The following ZNF461 variants were observed in gnomAD, a reference collection of about 807,000 sequenced individuals.
ZNF461 encodes gonadotropin-inducible ovarian transcription factor-1.
In ZNF461, 16 loss-of-function variants were observed where a neutral mutation model predicts 18.3. The ratio of observed to expected loss-of-function variants is 0.88; its 90% CI spans 0.59 to 1.33. The LOEUF (loss-of-function observed/expected upper bound fraction) is 1.33. ZNF461 is among the 40% of genes most tolerant of loss of function. The probability of loss-of-function intolerance (pLI) is 0.00; values close to 1 mark genes in which losing one functional copy is unlikely to be tolerated. For synonymous variants in ZNF461, 179 were observed against 216.9 expected (o/e 0.83, Z 1.54); for missense variants, 595 against 669.9 (o/e 0.89, Z 1.23).
At chr19:36,641,412 G>A (rs1421487204) in intron 5 of ZNF461, among the ~76,000 whole-genome samples, 4 of 151,674 alleles carry the variant, frequency 2.6e-5, no homozygotes, top group Non-Finnish European at 4.4e-5. Flanking sequence ...CCAGCTACTC[G>A]GGAGGCTGAG....
intron 4 of ZNF461, among the ~76,000 whole-genome samples, chr19:36,651,816 C>T (rs1425422201): frequency 6.6e-6 from 1 of 152,118 alleles, no homozygotes; most frequent in African/African-American, 2.4e-5. Context: ...TTTGTAGATA[C>T]AGACAAGCTT....
chr19:36,648,839 C>T (rs2037575017), intron 4 of ZNF461, among the ~76,000 whole-genome samples: 1 of 152,144 alleles, frequency 6.6e-6, no homozygotes, highest in South Asian at 2.1e-4. Context: ...CTTCGGCCTC[C>T]CAAAGTGCTG....
intron 5 of ZNF461, among the ~76,000 whole-genome samples, chr19:36,642,882 G>C (rs1339471024): frequency 1.3e-5 from 2 of 151,882 alleles, no homozygotes; most frequent in African/African-American, 4.8e-5. Context: ...GGCTTCCCAA[G>C]TAGTTGGGAT....
At chr19:36,657,326 C>T (rs1600440284) in intron 3 of ZNF461, among the ~76,000 whole-genome samples, 2 of 151,726 alleles carry the variant, frequency 1.3e-5, no homozygotes, top group Admixed American at 6.6e-5. Context: ...ACTAAAAATA[C>T]AAAAATTAGC....
intron 4 of ZNF461, among the ~76,000 whole-genome samples, chr19:36,646,787 A>G (rs764603775): frequency 2.9e-4 from 43 of 149,032 alleles, no homozygotes; most frequent in Non-Finnish European, 4.9e-4. Context: ...AAACATTGCC[A>G]CTTTTCACAA....
At chr19:36,641,654 CTGAA>C (rs2037426828) in intron 5 of ZNF461, among the ~76,000 whole-genome samples, 1 of 151,128 alleles carries the variant, frequency 6.6e-6, no homozygotes, top group Non-Finnish European at 1.5e-5. Flanking sequence ...TAATCAGTTG[CTGAA>C]TGAATGAATT....
chr19:36,654,503 A>T (rs1450329689), intron 4 of ZNF461, among the ~76,000 whole-genome samples: 1 of 151,980 alleles, frequency 6.6e-6, no homozygotes, highest in Non-Finnish European at 1.5e-5. Context: ...AGTAGATGGG[A>T]CTACAGGTAG....
At chr19:36,643,991 C>CT in intron 4 of ZNF461, 129 bp from the exon 5 acceptor site, 1 of 701,850 alleles carries the variant, frequency 1.4e-6, no homozygotes, top group Non-Finnish European at 2.0e-6. Context: ...GGAGTGCAAT[C>CT]ACACAATCTC....
At chr19:36,659,347 T>G (rs1284189041) in intron 2 of ZNF461, among the ~76,000 whole-genome samples, 1 of 152,260 alleles carries the variant, frequency 6.6e-6, no homozygotes, top group East Asian at 1.9e-4. Context: ...CAACCATGAT[T>G]GTTGTTTTAA....
At chr19:36,655,338 G>A (rs964177333) in intron 4 of ZNF461, among the ~76,000 whole-genome samples, 1 of 152,148 alleles carries the variant, frequency 6.6e-6, no homozygotes, top group African/African-American at 2.4e-5. Context: ...GCACAGTGGT[G>A]TATGCCTGTA....
intron 5 of ZNF461, among the ~76,000 whole-genome samples, chr19:36,642,191 C>T (rs1025632575): frequency 2.0e-5 from 3 of 152,108 alleles, no homozygotes; most frequent in Non-Finnish European, 4.4e-5. Context: ...CTCAGCCCCT[C>T]GAAGTGCTGA....
At position 36,656,519 on chromosome 19, in the gene ZNF461, A is replaced by G. The variant is rs749682978; in HGVS notation, c.161T>C (p.Val54Ala). Residue 54 changes from valine to alanine, a missense_variant, in exon 4 of 6, where the codon GTA (valine) becomes GCA (alanine). Transcript: ENST00000588268. ...CTTCCCTTGCTCCAATGAGGAGATT[A>G]CGGCTGGCTTAGAAACAGAAAGTCC... ...SLGLSVSKPA[V>A]ISSLEQGKEP... 521 of 1,614,024 alleles carry G rather than the reference A, an allele frequency of 3.2e-4. No homozygotes were observed. The highest frequency in any genetic ancestry group is 4.1e-4 in the Non-Finnish European group (486 of 1,180,016).
At chr19:36,646,986 C>T (rs1034855246) in intron 4 of ZNF461, among the ~76,000 whole-genome samples, 1 of 152,108 alleles carries the variant, frequency 6.6e-6, no homozygotes, top group Non-Finnish European at 1.5e-5. Flanking sequence ...AATATAAAGG[C>T]ATCCTGAGAA....
chr19:36,651,853 G>A (rs1449933786), intron 4 of ZNF461, among the ~76,000 whole-genome samples: 1 of 152,072 alleles, frequency 6.6e-6, no homozygotes, highest in African/African-American at 2.4e-5. Flanking sequence ...GAAAGAAAAA[G>A]GTCCTAAGGA....
chr19:36,638,631 T>G lies in ZNF461; in HGVS notation c.*22A>C. 6.5e-7 allele frequency: 1 copy of G among 1,529,778 alleles called. No homozygotes were observed. Among genetic ancestry groups the G allele is most frequent in the Non-Finnish European group, 8.8e-7 (1 of 1,135,488 alleles). 94.8% of individuals were successfully genotyped at this position (1,529,778 alleles called of 1,614,324 possible). A position where few individuals can be genotyped will look rare whatever the true frequency, so the allele number is the denominator to read the frequency against. ...TTTTCCTTAAATAAAACAAAGACAATGTATATTTCCATCAACAAATTTCAT... is the reference window on the plus strand; with the variant it reads ...TTTTCCTTAAATAAAACAAAGACAAGGTATATTTCCATCAACAAATTTCAT... On this transcript the variant is annotated 3_prime_UTR_variant, in exon 6 of 6. Coordinates refer to ENST00000588268, the MANE Select transcript of ZNF461 (RefSeq NM_153257.5).
chr19:36,642,995 C>A (rs1163634783), intron 5 of ZNF461, among the ~76,000 whole-genome samples: 1 of 152,046 alleles, frequency 6.6e-6, no homozygotes, highest in African/African-American at 2.4e-5. Flanking sequence ...TCTCGAACTC[C>A]CGACCTCAGG....
rs1044724715 is a variant in ZNF461 at position 36,637,049 on chromosome 19, T to A, written c.*1604A>T. ...CACAACTTATTGTCCCATATTTTTA[T>A]GGCCAGTTTATGCAGGCACTCCACA... On this transcript the variant is annotated 3_prime_UTR_variant, in exon 6 of 6. Coordinates refer to ENST00000588268, the MANE Select transcript of ZNF461 (RefSeq NM_153257.5). The A allele has an allele frequency of 6.6e-6, 1 of 152,206 alleles. No individual in the cohort carries two copies. Among genetic ancestry groups the A allele is most frequent in the African/African-American group, 2.4e-5 (1 of 41,464 alleles). 9.4% of individuals were successfully genotyped at this position (152,206 alleles called of 1,614,324 possible).
chr19:36,645,027 T>G (rs980572715), intron 4 of ZNF461: 11 of 152,302 alleles, frequency 7.2e-5, no homozygotes, highest in African/African-American at 2.7e-4. Flanking sequence ...GAGACCAGCC[T>G]GGACAACATA....
chr19:36,660,593 A>G (rs1017646740), intron 2 of ZNF461, among the ~76,000 whole-genome samples: 3 of 152,048 alleles, frequency 2.0e-5, no homozygotes, highest in African/African-American at 7.2e-5. Context: ...AATACTACTA[A>G]TCTTTATTTT....
Sources: allele counts gnomAD v4.1 joint callset (sites outside exome capture counted in the v4.1 genomes callset), GRCh38; gene constraint gnomAD v4.1.1; transcripts MANE v1.5; gene names NCBI Gene and HGNC (gene_info 2026-07-23, HGNC 2026-07-21).